Variants in UMOD observed in about 807,000 individuals in gnomAD.
UMOD encodes the protein Tamm-Horsfall urinary glycoprotein.
Under a neutral mutation model 66.0 loss-of-function variants are expected in UMOD, and 64 were observed. The observed-to-expected ratio is 0.97, with a 90% CI of 0.79 to 1.19. The LOEUF is 1.19. UMOD is among the 50% of genes most tolerant of loss of function. The pLI is 0.00. For synonymous variants in UMOD, 398 were observed against 352.7 expected (o/e 1.13, Z -1.44); for missense variants, 764 against 850.9 (o/e 0.90, Z 1.27).
intron 2 of UMOD, among the ~76,000 whole-genome samples, chr16:20,350,391 G>A (rs1291476589): frequency 6.6e-6 from 1 of 152,062 alleles, no homozygotes; most frequent in African/African-American, 2.4e-5. Flanking sequence ...TATGAGCATC[G>A]CCTGGAAGCT....
intron 2 of UMOD, 34 bp from the exon 3 acceptor site, chr16:20,349,246 G>A: frequency 6.2e-7 from 1 of 1,605,396 alleles, no homozygotes; most frequent in Non-Finnish European, 8.5e-7. Flanking sequence ...CAGGGTTTGG[G>A]CAGCTGGGCC....
Position 20,341,120 on chromosome 16 carries a change from G to A in UMOD, c.1548C>T (p.Asp516=). 1 of 1,614,132 alleles carries A rather than the reference G, an allele frequency of 6.2e-7. No homozygotes were observed. Among genetic ancestry groups the A allele is most frequent in the Non-Finnish European group, 8.5e-7 (1 of 1,180,016 alleles). ...CYATPSSNAT[D]PLKYFIIQDR... Reference sequence around the variant, plus strand: ...CCTGGATGATGAAGTACTTCAGGGGGTCCGTGGCATTGCTACTGGGTGTGG... The same window carrying A: ...CCTGGATGATGAAGTACTTCAGGGGATCCGTGGCATTGCTACTGGGTGTGG... Residue 516 remains aspartate, a synonymous_variant, in exon 7 of 11, where the codon GAC becomes GAT. Coordinates refer to ENST00000396138, the MANE Select transcript of UMOD (RefSeq NM_003361.4).
At chr16:20,345,072 G>T (rs990278271) in intron 5 of UMOD, among the ~76,000 whole-genome samples, 1 of 152,188 alleles carries the variant, frequency 6.6e-6, no homozygotes, top group African/African-American at 2.4e-5. Context: ...GGAGTGCAGT[G>T]GTGCAATCTC....
At chr16:20,334,185 G>A (rs985891510) in intron 10 of UMOD, among the ~76,000 whole-genome samples, 12 of 152,214 alleles carry the variant, frequency 7.9e-5, no homozygotes, top group African/African-American at 2.9e-4. Flanking sequence ...CCTGTCCCTG[G>A]CCTTTGTGGT....
chr16:20,345,491 C>CCTCCCTCCCTCT (rs1290800131), intron 5 of UMOD, among the ~76,000 whole-genome samples: 3 of 51,876 alleles, frequency 5.8e-5, no homozygotes, highest in Admixed American at 3.8e-4. Flanking sequence ...TCCCTCCCTC[C>CCTCCCTCCCTCT]CTCCCTCCCT....
At chr16:20,352,623 T>C in intron 1 of UMOD, 66 bp downstream of exon 1, 1 of 1,197,664 alleles carries the variant, frequency 8.3e-7, no homozygotes, top group Non-Finnish European at 1.0e-6. Flanking sequence ...TAATTTCCTC[T>C]CCTACCTCCC....
At chr16:20,341,877 C>A (rs1405938912) in intron 6 of UMOD, among the ~76,000 whole-genome samples, 1 of 152,172 alleles carries the variant, frequency 6.6e-6, no homozygotes, top group Non-Finnish European at 1.5e-5. Flanking sequence ...TATTTTTAAC[C>A]ACACTGAAAA....
upstream of UMOD, chr16:20,356,098 A>C (rs1966025210): frequency 6.6e-6 from 1 of 152,214 alleles, no homozygotes; most frequent in Non-Finnish European, 1.5e-5. Context: ...AGAACACAAA[A>C]ACTTAGAATG....
chr16:20,340,074 G>C (rs1431663581), intron 7 of UMOD, among the ~76,000 whole-genome samples: 1 of 152,016 alleles, frequency 6.6e-6, no homozygotes. Context: ...ACCATTTTTT[G>C]AATTATAAAC....
At chr16:20,339,684 G>T (rs971187980) in intron 7 of UMOD, among the ~76,000 whole-genome samples, 5 of 152,188 alleles carry the variant, frequency 3.3e-5, no homozygotes, top group Non-Finnish European at 1.5e-5. Context: ...AATTGCAAAT[G>T]TCTTTCTTCT....
At chr16:20,333,598 C>A (rs1964707342) in intron 10 of UMOD, among the ~76,000 whole-genome samples, 1 of 152,188 alleles carries the variant, frequency 6.6e-6, no homozygotes, top group African/African-American at 2.4e-5. Context: ...CTCAAAAGGG[C>A]AAAGGGCATT....
At position 20,344,048 on chromosome 16, in the gene UMOD, T is replaced by A; in HGVS notation, c.1307A>T (p.Lys436Met). 2 of 1,613,974 alleles carry A rather than the reference T, an allele frequency of 1.2e-6. No homozygotes were observed. The highest frequency in any genetic ancestry group is 1.7e-6 in the Non-Finnish European group (2 of 1,180,032). Residue 436 changes from lysine (K) to methionine (M), a missense_variant, in exon 6 of 11, where the codon AAG becomes ATG. Physicochemically the swap from Lys to Met is moderately conservative, Grantham distance 95. Transcript: ENST00000396138. ...CCTGACCATTGGCTGTAGGGCGGTC[T>A]TCAGGCTGACTTTCATGTCCAGGGG... ...SYPLDMKVSL[K>M]TALQPMVSAL...
At chr16:20,340,012 C>G (rs1202966716) in intron 7 of UMOD, among the ~76,000 whole-genome samples, 1 of 152,142 alleles carries the variant, frequency 6.6e-6, no homozygotes, top group Non-Finnish European at 1.5e-5. Context: ...TACTCCTCCC[C>G]CAGGTGCTGG....
chr16:20,346,522 C>G (rs1008718048), intron 4 of UMOD, among the ~76,000 whole-genome samples, 188 bp from the exon 5 acceptor site: 10 of 152,208 alleles, frequency 6.6e-5, no homozygotes, highest in Non-Finnish European at 1.2e-4. Context: ...ATGGATACAT[C>G]CACTGACCAA....
Position 20,341,304 on chromosome 16 carries a change from A to C in UMOD, c.1364T>G (p.Met455Arg), listed in dbSNP as rs1965203468. 6.2e-7 allele frequency: 1 copy of C among 1,614,018 alleles called. No individual in the cohort carries two copies. Among genetic ancestry groups the C allele is most frequent in the Admixed American group, 1.7e-5 (1 of 60,014 alleles). Reference protein sequence around the residue: ...ALNIRVGGTGMFTVRMALFQT... With the variant: ...ALNIRVGGTGRFTVRMALFQT... ...GAAGAGCGCCATCCGCACGGTGAACATGCCGGTCCCGCCCACTCTGATGTT... is the reference window on the plus strand; with the variant it reads ...GAAGAGCGCCATCCGCACGGTGAACCTGCCGGTCCCGCCCACTCTGATGTT... Residue 455 changes from methionine (M) to arginine (R), a missense_variant, in exon 7 of 11, where the codon ATG becomes AGG. Coordinates refer to ENST00000396138, the MANE Select transcript of UMOD (RefSeq NM_003361.4).
chr16:20,348,964 C>A lies in UMOD; in HGVS notation c.337G>T (p.Ala113Ser). The change falls in exon 3 of 11, where the codon GCT becomes TCT. Residue 113 changes from alanine (A) to serine (S), a missense_variant. Physicochemically the swap from Ala to Ser is moderately conservative, Grantham distance 99. Coordinates refer to ENST00000396138, the MANE Select transcript of UMOD (RefSeq NM_003361.4). ...GLGCTDVDECAEPGLSHCHAL... is the reference protein window; with the variant it reads ...GLGCTDVDECSEPGLSHCHAL... ...TGGCAGTGGCTAAGCCCAGGCTCAG[C>A]GCACTCATCCACGTCTGTGCAGCCG... 3 of 1,572,836 alleles carry A rather than the reference C, an allele frequency of 1.9e-6. No individual in the cohort carries two copies. The highest frequency in any genetic ancestry group is 1.8e-5 in the Admixed American group (1 of 54,132).
intron 10 of UMOD, among the ~76,000 whole-genome samples, chr16:20,333,838 A>G (rs911327197): frequency 6.6e-6 from 1 of 152,160 alleles, no homozygotes; most frequent in African/African-American, 2.4e-5. Context: ...GTTCAAGACC[A>G]GCCTGGCCAC....
At position 20,348,641 on chromosome 16, in the gene UMOD, G is replaced by T; in HGVS notation, c.660C>A (p.Val220=). ...GARMAETCVP[V]LRCNTAAPMW... is the part of the protein sequence containing the mutation. The stretch of plus-strand genomic sequence containing the variant: ...TGGGGGCGGCCGTGTTGCAGCGCAG[G>T]ACTGGCACGCAGGTCTCGGCCATGC... The change falls in exon 3 of 11, where the codon GTC becomes GTA. Residue 220 remains valine (V), a synonymous_variant. Transcript: ENST00000396138. 1 of 1,573,708 alleles carries T rather than the reference G, an allele frequency of 6.4e-7. No homozygotes were observed. Among genetic ancestry groups the T allele is most frequent in the Non-Finnish European group, 8.6e-7 (1 of 1,164,124 alleles).
At chr16:20,353,410 G>T (rs1301601724), upstream of UMOD, among the ~76,000 whole-genome samples, 1 of 152,154 alleles carries the variant, frequency 6.6e-6, no homozygotes, top group Non-Finnish European at 1.5e-5. Context: ...TTATTGTGTG[G>T]CAGTGGGCTC....
Sources: allele counts gnomAD v4.1 joint callset (sites outside exome capture counted in the v4.1 genomes callset), GRCh38; gene constraint gnomAD v4.1.1; transcripts MANE v1.5; gene names NCBI Gene and HGNC (gene_info 2026-07-23, HGNC 2026-07-21).